The following HNRNPA3 variants were observed in gnomAD, a reference collection of about 807,000 sequenced individuals.
HNRNPA3 encodes epididymis secretory sperm binding protein.
HNRNPA3 carries 3 observed loss-of-function variants against 45.8 expected under a neutral mutation model. The observed-to-expected ratio is 0.07, with a 90% CI of 0.03 to 0.17. The LOEUF is 0.17. Among genes scored for constraint, HNRNPA3 ranks in the 10% least tolerant of loss-of-function variants. HNRNPA3 has a pLI of 1.00. For missense variants in HNRNPA3, 183 were observed against 480.3 expected (o/e 0.38, Z 5.79); for synonymous variants, 170 against 155.6 (o/e 1.09, Z -0.69).
chr2:177,216,816 T>C, intron 6 of HNRNPA3, 44 bp from the exon 7 acceptor site: 1 of 1,613,608 alleles, frequency 6.2e-7, no homozygotes, highest in Non-Finnish European at 8.5e-7. Flanking sequence ...GACATTTTGG[T>C]AAGTTGAATA....
At chr2:177,215,106 G>GT (rs1688875707) in intron 1 of HNRNPA3, among the ~76,000 whole-genome samples, 2 of 151,446 alleles carry the variant, frequency 1.3e-5, no homozygotes, top group Non-Finnish European at 2.9e-5. Context: ...AGTTTTTGTT[G>GT]TTTTGTTTTT....
chr2:177,222,001 C>T (rs1266315171), downstream of HNRNPA3: 1 of 152,606 alleles, frequency 6.6e-6, no homozygotes, highest in East Asian at 1.9e-4. Context: ...TGAATTTTTT[C>T]ACTAATTAAA....
chr2:177,212,925 G>T, intron 1 of HNRNPA3, 54 bp downstream of exon 1: 1 of 1,188,652 alleles, frequency 8.4e-7, no homozygotes, highest in Non-Finnish European at 1.1e-6. Flanking sequence ...TGGGGGCCTG[G>T]TTCGGTGGGA....
intron 1 of HNRNPA3, among the ~76,000 whole-genome samples, chr2:177,214,258 G>GT (rs1357226001): frequency 6.6e-6 from 1 of 152,184 alleles, no homozygotes; most frequent in Non-Finnish European, 1.5e-5. Context: ...CATTCCTAAT[G>GT]TAAGTCCAAC....
At chr2:177,216,324 C>CT (rs1255783526) in intron 4 of HNRNPA3, 136 bp downstream of exon 4, 5 of 724,054 alleles carry the variant, frequency 6.9e-6, no homozygotes. Flanking sequence ...TAGTGTCTGC[C>CT]TGTGTAATCA....
At chr2:177,223,003 G>A (rs1038173239), downstream of HNRNPA3, 1 of 152,696 alleles carries the variant, frequency 6.5e-6, no homozygotes, top group South Asian at 2.1e-4. Flanking sequence ...GGTTGTTGAT[G>A]GGTAATAAGG....
chr2:177,219,123 A>G, exon 9 of HNRNPA3: 2 of 1,614,154 alleles, frequency 1.2e-6, no homozygotes, highest in South Asian at 1.1e-5. Context: ...GAAAGGGGGC[A>G]GTTTTGGTGG....
At chr2:177,214,493 A>G (rs972915120) in intron 1 of HNRNPA3, among the ~76,000 whole-genome samples, 5 of 152,148 alleles carry the variant, frequency 3.3e-5, no homozygotes, top group African/African-American at 4.8e-5. Context: ...TCTTCATCAC[A>G]GTTTTGAGTT....
downstream of HNRNPA3, chr2:177,221,851 C>G (rs965682196): frequency 6.6e-6 from 1 of 152,664 alleles, no homozygotes; most frequent in Non-Finnish European, 1.5e-5. Context: ...CTGCTTATTA[C>G]AACTGAAATA....
At chr2:177,213,763 A>G (rs1276680004) in intron 1 of HNRNPA3, among the ~76,000 whole-genome samples, 2 of 152,234 alleles carry the variant, frequency 1.3e-5, no homozygotes, top group East Asian at 3.8e-4. Flanking sequence ...AATGTTTTTT[A>G]TCTTCATGTT....
At chr2:177,215,494 T>A (rs750240512) in intron 1 of HNRNPA3, 45 bp from the exon 2 acceptor site, 3 of 1,596,940 alleles carry the variant, frequency 1.9e-6, no homozygotes, top group East Asian at 4.5e-5. Flanking sequence ...GCATCTTAAT[T>A]CATCTACTGT....
At chr2:177,217,948 T>C (rs979290696) in intron 8 of HNRNPA3, 103 bp downstream of exon 8, 1 of 1,177,790 alleles carries the variant, frequency 8.5e-7, no homozygotes, top group Admixed American at 2.8e-5. Flanking sequence ...TCAAATTTTA[T>C]GTTCTATAAG....
At chr2:177,223,893 T>G (rs1409281798), downstream of HNRNPA3, 2 of 152,250 alleles carry the variant, frequency 1.3e-5, no homozygotes, top group Admixed American at 1.3e-4. Context: ...TTCATGTGAC[T>G]TAAACACTAT....
intron 7 of HNRNPA3, 119 bp from the exon 8 acceptor site, chr2:177,217,586 C>A: frequency 8.2e-7 from 1 of 1,214,342 alleles, no homozygotes; most frequent in Non-Finnish European, 1.2e-6. Flanking sequence ...GTGGTTGCAC[C>A]ACTGTACTTG....
At chr2:177,215,716 T>G in intron 2 of HNRNPA3, 34 bp from the exon 3 acceptor site, 2 of 1,580,118 alleles carry the variant, frequency 1.3e-6, no homozygotes, top group Middle Eastern at 3.4e-4. Flanking sequence ...CCGGTGGAGG[T>G]GTTTTCAACG....
intron 1 of HNRNPA3, among the ~76,000 whole-genome samples, chr2:177,214,813 AAAATT>A (rs1469054600): frequency 6.6e-6 from 1 of 152,166 alleles, no homozygotes; most frequent in Non-Finnish European, 1.5e-5. Context: ...AACAAACAAA[AAAATT>A]AAATGCATGT....
At chr2:177,223,064 TTAAAAAAAAAAATCCTTTGGAGAC>T (rs935087597), downstream of HNRNPA3, 3 of 152,332 alleles carry the variant, frequency 2.0e-5, no homozygotes, top group Admixed American at 1.3e-4. Context: ...GATAGTTTAC[TTAAAAAAAAAAATCCTTTGGAGAC>T]ATACTGAAAA....
At position 177,217,692 on chromosome 2, in the gene HNRNPA3, G is replaced by A. The variant is rs749654176; in HGVS notation, c.821-13G>A. ...AAGTTTTTGTGTGGTCTTGTTATTT[G>A]TTGTTTTTTTAGGTGGCAACTATGG... is the stretch of plus-strand genomic sequence containing the variant. On this transcript the variant is annotated splice_polypyrimidine_tract_variant and intron_variant, in intron 7 of 10. Transcript: ENST00000392524. 4 of 1,612,228 alleles carry A rather than the reference G, an allele frequency of 2.5e-6. No homozygotes were observed. The highest frequency in any genetic ancestry group is 2.2e-5 in the South Asian group (2 of 90,996).
At chr2:177,222,303 A>G (rs1259229136), downstream of HNRNPA3, 1 of 152,366 alleles carries the variant, frequency 6.6e-6, no homozygotes, top group Non-Finnish European at 1.5e-5. Context: ...AGTTTTAAAA[A>G]TTCCCCTGCG....
Sources: gnomAD v4.1 joint callset for allele counts (sites outside exome capture counted in the v4.1 genomes callset) on GRCh38, gnomAD v4.1.1 for gene constraint, MANE v1.5 for transcripts, NCBI Gene and HGNC (gene_info 2026-07-23, HGNC 2026-07-21) for gene names.